The following UTS2B variants were observed in gnomAD, a reference collection of about 807,000 sequenced individuals.
The protein encoded by UTS2B is urotensin-2B.
A neutral mutation model predicts 19.2 loss-of-function variants in UTS2B; 21 were observed. The observed-to-expected ratio is 1.09, with a 90% CI of 0.78 to 1.58. The LOEUF (loss-of-function observed/expected upper bound fraction) is 1.58. Ranked by LOEUF, UTS2B falls within the 40% of genes most tolerant of loss-of-function variation. The pLI is 0.00. For missense variants in UTS2B, 138 were observed against 130.3 expected (o/e 1.06, Z -0.29); for synonymous variants, 57 against 50.2 (o/e 1.14, Z -0.58).
At chr3:191,279,273 T>C (rs1322766456) in intron 5 of UTS2B, among the ~76,000 whole-genome samples, 3 of 152,082 alleles carry the variant, frequency 2.0e-5, no homozygotes, top group Non-Finnish European at 4.4e-5. Context: ...TGGTAAAATT[T>C]TCTTTTGAGT....
At chr3:191,268,545 A>G in intron 8 of UTS2B, 104 bp from the exon 9 acceptor site, 1 of 734,040 alleles carries the variant, frequency 1.4e-6, no homozygotes, top group Non-Finnish European at 2.2e-6. Flanking sequence ...TTAAGTTTTT[A>G]AAAGGGACAG....
At chr3:191,344,260 C>T in the UTS2B span, among the ~76,000 whole-genome samples, 3 of 152,106 alleles carry the variant, frequency 2.0e-5, no homozygotes, top group South Asian at 2.1e-4. Flanking sequence ...TCTGTCATAC[C>T]GTCACGTTGT....
At chr3:191,280,021 T>C (rs1338034666) in intron 5 of UTS2B, among the ~76,000 whole-genome samples, 1 of 152,130 alleles carries the variant, frequency 6.6e-6, no homozygotes, top group Non-Finnish European at 1.5e-5. Flanking sequence ...ACACAAAAGA[T>C]GGCAAAGCTG....
chr3:191,274,872 T>C (rs1716187459), intron 8 of UTS2B, among the ~76,000 whole-genome samples: 1 of 152,234 alleles, frequency 6.6e-6, no homozygotes, highest in African/African-American at 2.4e-5. Context: ...TTGGAACAAG[T>C]GTTATAGCAA....
intron 7 of UTS2B, among the ~76,000 whole-genome samples, chr3:191,275,648 T>C (rs553651053): frequency 5.3e-5 from 8 of 151,382 alleles, no homozygotes; most frequent in Non-Finnish European, 1.0e-4. Flanking sequence ...CCACTGTACT[T>C]CTGCCAGGGC....
rs148442383 is a variant in UTS2B, at chr3:191,285,927, C to T, written c.-124-3614G>A. Among the ~76,000 whole-genome samples, 428 of 151,776 alleles carry T rather than the reference C, an allele frequency of 2.8e-3. 8 individuals are homozygous for T. The highest frequency in any genetic ancestry group is 0.018 in the Admixed American group (277 of 15,230). ...AGAAAAAAGAAAAAAGAAAGTGAAA[C>T]GATGGAAAAAGATATTCCATGCAAA... On this transcript the variant is annotated intron_variant, in intron 4 of 8. Transcript: ENST00000340524.
intron 1 of UTS2B, among the ~76,000 whole-genome samples, chr3:191,329,949 G>A (rs1473534457): frequency 1.2e-4 from 17 of 142,994 alleles, no homozygotes; most frequent in South Asian, 5.1e-4. Flanking sequence ...GGTTGGGGGG[G>A]GGGGGGGCTA....
In UTS2B at chr3:191,282,246, A is replaced by G; in HGVS notation, c.-57T>C. ...ACAGACTTTCCAGGTCAAGATGGAT[A>G]TTTCTATAGCTTTGGAATTCAGTAG... On this transcript the variant is annotated 5_prime_UTR_variant, in exon 5 of 9. Coordinates refer to ENST00000340524, the MANE Select transcript of UTS2B (RefSeq NM_198152.5). 7.5e-7 allele frequency: 1 copy of G among 1,338,838 alleles called. No homozygotes were observed. Among genetic ancestry groups the G allele is most frequent in the South Asian group, 1.3e-5 (1 of 79,506 alleles). 82.9% of individuals were successfully genotyped at this position (1,338,838 alleles called of 1,614,324 possible).
intron 2 of UTS2B, among the ~76,000 whole-genome samples, chr3:191,327,492 T>A (rs1717775786): frequency 1.3e-5 from 2 of 152,166 alleles, no homozygotes; most frequent in African/African-American, 4.8e-5. Flanking sequence ...GAAGGGACAC[T>A]GGAAACAAAT....
chr3:191,274,100 G>T (rs1311791673), intron 8 of UTS2B, among the ~76,000 whole-genome samples: 1 of 141,262 alleles, frequency 7.1e-6, no homozygotes, highest in Non-Finnish European at 1.6e-5. Flanking sequence ...CCGTCTCAAA[G>T]AAAAAAAAAA....
intron 4 of UTS2B, among the ~76,000 whole-genome samples, chr3:191,296,385 T>A (rs1449442833): frequency 6.6e-6 from 1 of 152,188 alleles, no homozygotes; most frequent in Non-Finnish European, 1.5e-5. Context: ...TGTCAGAGCC[T>A]TTCACTCCAC....
intron 1 of UTS2B, among the ~76,000 whole-genome samples, chr3:191,330,172 C>T (rs537175181): frequency 6.6e-6 from 1 of 152,300 alleles, no homozygotes; most frequent in East Asian, 1.9e-4. Context: ...CTCCTTCTCT[C>T]CCTACTTTTC....
Position 191,276,383 on chromosome 3 carries a change from A to T in UTS2B, c.240+424T>A, listed in dbSNP as rs76997780. On this transcript the variant is annotated intron_variant, in intron 7 of 8. Transcript: ENST00000340524. ...CTCTTCACACCAGCTGCTTCAAGCC[A>T]AACAGCTTGACTTTTACATGTTTCA... is the stretch of plus-strand genomic sequence containing the variant. Among the ~76,000 whole-genome samples the T allele has an allele frequency of 1.8e-3, 277 of 152,336 alleles. 3 individuals carry two copies. Among genetic ancestry groups the T allele is most frequent in the African/African-American group, 6.4e-3 (268 of 41,576 alleles).
intron 7 of UTS2B, 55 bp from the exon 8 acceptor site, chr3:191,275,400 A>G (rs1490637940): frequency 1.4e-6 from 2 of 1,476,116 alleles, no homozygotes; most frequent in East Asian, 2.3e-5. Flanking sequence ...CATGCTGTTG[A>G]CCGGGCGCGG....
chr3:191,301,376 G>C (rs1716994024), intron 4 of UTS2B, among the ~76,000 whole-genome samples: 1 of 151,988 alleles, frequency 6.6e-6, no homozygotes, highest in East Asian at 1.9e-4. Context: ...CTCACCACAA[G>C]AGTGTTGAGA....
At chr3:191,319,845 G>C (rs1717567342) in intron 2 of UTS2B, among the ~76,000 whole-genome samples, 3 of 148,320 alleles carry the variant, frequency 2.0e-5, no homozygotes, top group African/African-American at 7.5e-5. Context: ...ACCAGCCCAG[G>C]CAACAGTGCG....
intron 4 of UTS2B, among the ~76,000 whole-genome samples, chr3:191,295,138 C>T (rs1186406307): frequency 6.6e-6 from 1 of 152,014 alleles, no homozygotes; most frequent in Admixed American, 6.5e-5. Flanking sequence ...CCTACTATGT[C>T]TAGTCTTTCC....
upstream of UTS2B, among the ~76,000 whole-genome samples, chr3:191,332,566 T>C (rs556041028): frequency 6.6e-6 from 1 of 152,250 alleles, no homozygotes; most frequent in South Asian, 2.1e-4. Context: ...CATTTTAAAC[T>C]TCAGTAGGTC....
intron 2 of UTS2B, among the ~76,000 whole-genome samples, chr3:191,319,795 G>A (rs1334715090): frequency 6.6e-6 from 1 of 150,882 alleles, no homozygotes; most frequent in African/African-American, 2.4e-5. Context: ...TTGAACCTGG[G>A]AGGCGGAGGT....
Sources: allele counts gnomAD v4.1 joint callset (sites outside exome capture counted in the v4.1 genomes callset), GRCh38; gene constraint gnomAD v4.1.1; transcripts MANE v1.5; gene names NCBI Gene and HGNC (gene_info 2026-07-23, HGNC 2026-07-21).